Variants in ANKH observed in about 807,000 individuals in gnomAD.
ANKH encodes ANKH inorganic pyrophosphate transport regulator, also known as mineralization regulator ANKH.
ANKH carries 15 observed loss-of-function variants against 49.0 expected under a neutral mutation model. The ratio of observed to expected loss-of-function variants is 0.31; its 90% CI spans 0.20 to 0.47. The LOEUF is 0.47. ANKH is among the 20% of genes least tolerant of loss of function. ANKH has a pLI of 1.00. For synonymous variants in ANKH, 273 were observed against 260.0 expected, an observed-to-expected ratio of 1.05 and a Z score of -0.48; for missense variants, 429 against 652.0, an observed-to-expected ratio of 0.66 and a Z score of 3.72.
chr5:14,803,959 G>A (rs1240433918), intron 1 of ANKH, among the ~76,000 whole-genome samples: 7 of 151,968 alleles, frequency 4.6e-5, no homozygotes, highest in African/African-American at 7.3e-5. Flanking sequence ...GCAACGGCGC[G>A]GTATCTGCTC....
At chr5:14,814,256 G>T (rs1339230958) in intron 1 of ANKH, among the ~76,000 whole-genome samples, 1 of 152,124 alleles carries the variant, frequency 6.6e-6, no homozygotes, top group Non-Finnish European at 1.5e-5. Context: ...CAGGAGACTG[G>T]TGTGTGTCAT....
chr5:14,793,037 A>AATATATAT lies in ANKH; in HGVS notation c.97-23854_97-23847dup, dbSNP rs1267380844. ...ATATATATAAATATATATATATAAA[A>AATATATAT]ATATATATATAAATATATATAAAAT... is the stretch of plus-strand genomic sequence containing the variant. On this transcript the variant is annotated intron_variant, in intron 1 of 11. Coordinates refer to ENST00000284268, the MANE Select transcript of ANKH (RefSeq NM_054027.6). 3.8e-3 allele frequency among the ~76,000 whole-genome samples: 212 copies of AATATATAT among 56,170 alleles called. 5 individuals carry two copies. In the East Asian group the frequency reaches 0.069, roughly 18 times the overall value. The allele number at this position is 56,170 out of a possible 152,430, so 36.8% of individuals were successfully genotyped here.
chr5:14,797,746 C>T, intron 1 of ANKH: 3 of 1,610,624 alleles, frequency 1.9e-6, no homozygotes, highest in Non-Finnish European at 2.5e-6. Context: ...ATGGTCTTCG[C>T]ATCTACCACT....
intron 8 of ANKH, among the ~76,000 whole-genome samples, chr5:14,717,836 C>T (rs1300504177): frequency 3.9e-5 from 6 of 152,138 alleles, no homozygotes; most frequent in Non-Finnish European, 8.8e-5. Context: ...ATACAAAGTC[C>T]AGAATGCTCT....
chr5:14,871,524 C>A lies in ANKH; in HGVS notation c.-77G>T. The A allele has an allele frequency of 8.9e-7, 1 of 1,121,412 alleles. No individual in the cohort carries two copies. The highest frequency in any genetic ancestry group is 3.4e-5 in the East Asian group (1 of 29,416). The allele number at this position is 1,121,412 out of a possible 1,614,324, so 69.5% of individuals were successfully genotyped here. A position where few individuals can be genotyped will look rare whatever the true frequency, so the allele number is the denominator to read the frequency against. Reference sequence around the variant, plus strand: ...TGCGGGGAGGCGAGGGGCGACGGGGCGACGGGGCGAGCGGGGCGCGGGCCG... The same window carrying A: ...TGCGGGGAGGCGAGGGGCGACGGGGAGACGGGGCGAGCGGGGCGCGGGCCG... On this transcript the variant is annotated 5_prime_UTR_variant, in exon 1 of 12. Transcript: ENST00000284268.
intron 1 of ANKH, among the ~76,000 whole-genome samples, chr5:14,813,627 CT>C (rs1740949914): frequency 1.3e-5 from 2 of 152,298 alleles, no homozygotes; most frequent in Admixed American, 6.5e-5. Flanking sequence ...TGGATCCTTA[CT>C]GTAGCCCCTG....
intron 1 of ANKH, among the ~76,000 whole-genome samples, chr5:14,831,788 C>G (rs1267415104): frequency 6.6e-6 from 1 of 152,160 alleles, no homozygotes; most frequent in African/African-American, 2.4e-5. Flanking sequence ...ACAGTGTTTT[C>G]CTCAACCTAC....
At chr5:14,785,840 G>T (rs561630196) in intron 1 of ANKH, among the ~76,000 whole-genome samples, 51 of 151,704 alleles carry the variant, frequency 3.4e-4, no homozygotes, top group Non-Finnish European at 6.2e-4. Flanking sequence ...GGATTACAAG[G>T]TCAGGAGTTT....
At chr5:14,721,086 T>C (rs1030130105) in intron 8 of ANKH, among the ~76,000 whole-genome samples, 1 of 152,200 alleles carries the variant, frequency 6.6e-6, no homozygotes, top group Non-Finnish European at 1.5e-5. Flanking sequence ...CCCACATCAC[T>C]TGACACATTG....
At position 14,769,066 on chromosome 5, in the gene ANKH, C is replaced by T. The variant is rs756210154; in HGVS notation, c.222G>A (p.Leu74=). 1.9e-6 allele frequency: 3 copies of T among 1,614,208 alleles called. No individual in the cohort carries two copies. The highest frequency in any genetic ancestry group is 2.5e-6 in the Non-Finnish European group (3 of 1,180,052). ...TGTCTCTCTTGCTGTTCACAAACAC[C>T]AGGCCCACATTTTTGAAGTCACTCA... ...GPMSDFKNVG[L]VFVNSKRDRT... is the part of the protein sequence containing the mutation. Residue 74 remains leucine, a synonymous_variant, in exon 2 of 12, where the codon CTG becomes CTA. Transcript: ENST00000284268.
intron 1 of ANKH, among the ~76,000 whole-genome samples, chr5:14,818,644 CAAAAAAAAAAAAAA>C (rs34629052): frequency 3.1e-5 from 2 of 64,910 alleles, no homozygotes; most frequent in African/African-American, 1.2e-4. Context: ...AACTCCATCT[CAAAAAAAAAAAAAA>C]AAAAAAAAAA....
At chr5:14,822,044 CACATGA>C in intron 1 of ANKH, among the ~76,000 whole-genome samples, 1 of 152,210 alleles carries the variant, frequency 6.6e-6, no homozygotes, top group South Asian at 2.1e-4. Flanking sequence ...ACAGACATTT[CACATGA>C]TCCCTTTCTT....
Position 14,704,934 on chromosome 5 carries a change from C to A in ANKH, c.*6263G>T, listed in dbSNP as rs1414841507. Reference sequence around the variant, plus strand: ...AATGCTCTTACCAATGCAAAAACTTCCATCTGTTAGATACATAAAGAGCAC... The same window carrying A: ...AATGCTCTTACCAATGCAAAAACTTACATCTGTTAGATACATAAAGAGCAC... On this transcript the variant is annotated 3_prime_UTR_variant, in exon 12 of 12. Transcript: ENST00000284268. 2 of 152,172 alleles carry A rather than the reference C, an allele frequency of 1.3e-5. No individual in the cohort carries two copies. The highest frequency in any genetic ancestry group is 4.8e-5 in the African/African-American group (2 of 41,432). 9.4% of individuals were successfully genotyped at this position (152,172 alleles called of 1,614,324 possible).
intron 1 of ANKH, among the ~76,000 whole-genome samples, chr5:14,857,612 C>T (rs949523746): frequency 2.6e-5 from 4 of 151,828 alleles, no homozygotes; most frequent in Non-Finnish European, 5.9e-5. Context: ...GAGTGGAGAT[C>T]GCGCCACTGC....
rs397719435 is a variant in ANKH at position 14,775,066 on chromosome 5, T to TC, written c.97-5876dup. 4.6e-5 allele frequency among the ~76,000 whole-genome samples: 7 copies of TC among 151,354 alleles called. No homozygotes were observed. The South Asian group carries it at 1.5e-3, about 32-fold the overall frequency. On this transcript the variant is annotated intron_variant, in intron 1 of 11. Coordinates refer to ENST00000284268, the MANE Select transcript of ANKH (RefSeq NM_054027.6). Reference sequence around the variant, plus strand: ...ACACACACATAAGTCCCCTTTTTTTTCTTTTTTTGAGATGGGGTCTTCCTC... The same window carrying TC: ...ACACACACATAAGTCCCCTTTTTTTTCCTTTTTTTGAGATGGGGTCTTCCTC...
chr5:14,777,870 C>G (rs1343493603), intron 1 of ANKH, among the ~76,000 whole-genome samples: 1 of 152,194 alleles, frequency 6.6e-6, no homozygotes, highest in African/African-American at 2.4e-5. Context: ...ATGAGCCCAC[C>G]CCGGCCACAG....
At chr5:14,860,219 C>T (rs1580123136) in intron 1 of ANKH, among the ~76,000 whole-genome samples, 2 of 152,296 alleles carry the variant, frequency 1.3e-5, no homozygotes, top group South Asian at 2.1e-4. Context: ...CTCCAGAAGG[C>T]GGTGAGGGAG....
chr5:14,726,580 G>A (rs1360054999), intron 8 of ANKH, among the ~76,000 whole-genome samples: 1 of 152,154 alleles, frequency 6.6e-6, no homozygotes, highest in Non-Finnish European at 1.5e-5. Context: ...GGCTGGAGGC[G>A]TGGCTGACCT....
At chr5:14,852,182 C>T (rs1423862487) in intron 1 of ANKH, among the ~76,000 whole-genome samples, 3 of 152,108 alleles carry the variant, frequency 2.0e-5, no homozygotes, top group Admixed American at 6.5e-5. Context: ...CCTGGGAGGC[C>T]AAGGCAGGAG....
Sources: gnomAD v4.1 joint callset for allele counts (sites outside exome capture counted in the v4.1 genomes callset) on GRCh38, gnomAD v4.1.1 for gene constraint, MANE v1.5 for transcripts, NCBI Gene and HGNC (gene_info 2026-07-23, HGNC 2026-07-21) for gene names.